Variants in SP1 observed in about 807,000 individuals in gnomAD.
The protein encoded by SP1 is transcription factor Sp1.
A neutral mutation model predicts 66.3 loss-of-function variants in SP1; 6 were observed. The observed-to-expected ratio is 0.09, with a 90% CI of 0.05 to 0.18. SP1 has a LOEUF of 0.18. Among genes scored for constraint, SP1 ranks in the 10% least tolerant of loss-of-function variants. The pLI, the probability that SP1 is intolerant of heterozygous loss-of-function variation, is 1.00. For missense variants in SP1, 848 were observed against 964.5 expected (o/e 0.88, Z 1.60); for synonymous variants, 417 against 360.8 (o/e 1.16, Z -1.77).
At chr12:53,405,073 T>C (rs1473710981) in intron 3 of SP1, among the ~76,000 whole-genome samples, 1 of 152,038 alleles carries the variant, frequency 6.6e-6, no homozygotes, top group Non-Finnish European at 1.5e-5. Context: ...GGTATTGAAC[T>C]CCTGACCTCA....
In SP1 at chr12:53,416,204, GCT is replaced by G. The variant is rs1169391147; in HGVS notation, c.*4970_*4971del. 2 of 153,128 alleles carry G rather than the reference GCT, an allele frequency of 1.3e-5. No homozygotes were observed. Among genetic ancestry groups the G allele is most frequent in the Non-Finnish European group, 2.9e-5 (2 of 68,554 alleles). 9.5% of individuals were successfully genotyped at this position (153,128 alleles called of 1,614,324 possible). A position where few individuals can be genotyped will look rare whatever the true frequency, so the allele number is the denominator to read the frequency against. On this transcript the variant is annotated 3_prime_UTR_variant, in exon 6 of 6. Coordinates refer to ENST00000327443, the MANE Select transcript of SP1 (RefSeq NM_138473.3). ...GCTGTGTGGGTAAATGCTTTTAAATGCTCTCTCATCTTGTTCTTCCCCCTCAC... is the reference window on the plus strand; with the variant it reads ...GCTGTGTGGGTAAATGCTTTTAAATGCTCTCATCTTGTTCTTCCCCCTCAC...
chr12:53,408,092 C>T (rs1938788336), intron 4 of SP1, among the ~76,000 whole-genome samples: 1 of 144,564 alleles, frequency 6.9e-6, no homozygotes, highest in Non-Finnish European at 1.5e-5. Flanking sequence ...ACTAAAAGTA[C>T]AAAAATTAAC....
chr12:53,402,300 TGCAACCTCC>T (rs1195553754), intron 3 of SP1, among the ~76,000 whole-genome samples: 1 of 151,238 alleles, frequency 6.6e-6, no homozygotes, highest in Non-Finnish European at 1.5e-5. Flanking sequence ...CTTGGCTCAC[TGCAACCTCC>T]GCCTCCCAAG....
At chr12:53,403,046 G>T (rs1938645554) in intron 3 of SP1, among the ~76,000 whole-genome samples, 1 of 151,976 alleles carries the variant, frequency 6.6e-6, no homozygotes, top group South Asian at 2.1e-4. Context: ...TACTCGGGAG[G>T]CTGAGGTAGA....
rs570246917 is a variant in SP1 at position 53,415,582 on chromosome 12, A to G, written c.*4342A>G. The G allele has an allele frequency of 1.5e-4, 23 of 152,290 alleles. No individual in the cohort carries two copies. The highest frequency in any genetic ancestry group is 5.6e-4 in the African/African-American group (23 of 41,378). 9.4% of individuals were successfully genotyped at this position (152,290 alleles called of 1,614,324 possible). On this transcript the variant is annotated 3_prime_UTR_variant, in exon 6 of 6. Transcript: ENST00000327443. Reference sequence around the variant, plus strand: ...CAGTCTTCCTTGTCTCTGCTAAGAAAGTAGAGGCATGATGATCTGCCTCTC... The same window carrying G: ...CAGTCTTCCTTGTCTCTGCTAAGAAGGTAGAGGCATGATGATCTGCCTCTC...
At chr12:53,386,260 G>A (rs1938227661) in intron 3 of SP1, among the ~76,000 whole-genome samples, 1 of 152,100 alleles carries the variant, frequency 6.6e-6, no homozygotes, top group Non-Finnish European at 1.5e-5. Flanking sequence ...TAGGAAGGGA[G>A]AAGGAAAGGG....
chr12:53,381,166 G>A (rs1447826315), intron 1 of SP1: 1 of 152,304 alleles, frequency 6.6e-6, no homozygotes, highest in Non-Finnish European at 1.5e-5. Flanking sequence ...TGGTCAGGCT[G>A]GTCTCAAAAC....
At chr12:53,392,201 A>G (rs970465227) in intron 3 of SP1, among the ~76,000 whole-genome samples, 17 of 152,132 alleles carry the variant, frequency 1.1e-4, no homozygotes, top group African/African-American at 4.1e-4. Flanking sequence ...TTTTTTTGAG[A>G]CGGAGTCACG....
intron 3 of SP1, among the ~76,000 whole-genome samples, chr12:53,389,134 A>G (rs1463998052): frequency 6.6e-6 from 1 of 151,648 alleles, no homozygotes; most frequent in South Asian, 2.1e-4. Context: ...GTACAAAATG[A>G]GATATATTAC....
chr12:53,405,611 A>G (rs1938714639), intron 3 of SP1, among the ~76,000 whole-genome samples: 1 of 151,764 alleles, frequency 6.6e-6, no homozygotes, highest in Non-Finnish European at 1.5e-5. Flanking sequence ...TGGAGGTTGC[A>G]GTGAGCCCAG....
intron 1 of SP1, chr12:53,380,690 C>A (rs1367275646): frequency 5.1e-6 from 5 of 985,948 alleles, no homozygotes; most frequent in South Asian, 4.7e-5. Flanking sequence ...CTCTGGTCGC[C>A]GCCTGCTCCA....
rs1938952084 is a variant in SP1 at position 53,414,230 on chromosome 12, A to AG, written c.*2993dup. The AG allele has an allele frequency of 6.6e-6, 1 of 152,526 alleles. No individual in the cohort carries two copies. Among genetic ancestry groups the AG allele is most frequent in the Non-Finnish European group, 1.5e-5 (1 of 68,048 alleles). 9.4% of individuals were successfully genotyped at this position (152,526 alleles called of 1,614,324 possible). On this transcript the variant is annotated 3_prime_UTR_variant, in exon 6 of 6. Transcript: ENST00000327443. ...AATTTTTTAGATGACCAAAACTTGC[A>AG]GGGCAGGGGATGCCCAGAAGAGTGG...
At chr12:53,392,733 G>A (rs1433101260) in intron 3 of SP1, among the ~76,000 whole-genome samples, 12 of 151,902 alleles carry the variant, frequency 7.9e-5, no homozygotes, top group African/African-American at 2.9e-4. Flanking sequence ...GACCTCAGGT[G>A]ATCCACCCAC....
At chr12:53,385,164 G>A (rs1220323818) in intron 3 of SP1, among the ~76,000 whole-genome samples, 2 of 151,292 alleles carry the variant, frequency 1.3e-5, no homozygotes, top group Non-Finnish European at 2.9e-5. Context: ...GCATGGTGAT[G>A]CGCGCCTGTA....
At chr12:53,405,654 T>A (rs931234144) in intron 3 of SP1, among the ~76,000 whole-genome samples, 3 of 147,960 alleles carry the variant, frequency 2.0e-5, no homozygotes, top group African/African-American at 7.7e-5. Flanking sequence ...CCAGCGAGAC[T>A]CTGTCTCAAA....
chr12:53,409,262 T>G, intron 4 of SP1, 100 bp from the exon 5 acceptor site: 3 of 918,312 alleles, frequency 3.3e-6, no homozygotes, highest in Non-Finnish European at 4.9e-6. Context: ...AAATAAAAGT[T>G]TGGGTTAGTT....
At chr12:53,381,557 TC>T in intron 1 of SP1, 101 bp from the exon 2 acceptor site, 1 of 1,104,810 alleles carries the variant, frequency 9.1e-7, no homozygotes, top group Non-Finnish European at 1.3e-6. Flanking sequence ...GCTTTCGCCT[TC>T]CTGTTAGTCA....
At chr12:53,380,553 C>T (rs917206863) in intron 1 of SP1, 6 of 707,548 alleles carry the variant, frequency 8.5e-6, no homozygotes, top group East Asian at 1.2e-4. Flanking sequence ...GCCCCGGCCA[C>T]GGGGGACGGG....
Position 53,411,122 on chromosome 12 carries a change from A to G in SP1, c.2240A>G (p.Asn747Ser), listed in dbSNP as rs776716536. 4 of 1,614,132 alleles carry G rather than the reference A, an allele frequency of 2.5e-6. No individual in the cohort carries two copies. The highest frequency in any genetic ancestry group is 3.3e-5 in the Admixed American group (2 of 60,024). Residue 747 changes from asparagine (N) to serine (S), a missense_variant, in exon 6 of 6, where the codon AAT (asparagine) becomes AGT (serine). Around this residue, in one of 7 missense-constraint regions of SP1, gnomAD observed 73 missense variants for 91.9 expected, o/e 0.79. Transcript: ENST00000327443. The stretch of plus-strand genomic sequence containing the variant: ...ACTCCTTCAGCCCTTATTACCACCA[A>G]TATGGTAGCCATGGAGGCCATCTGT... ...TATPSALITT[N>S]MVAMEAICPE... is the part of the protein sequence containing the mutation.
Sources: gnomAD v4.1 joint callset for allele counts (sites outside exome capture counted in the v4.1 genomes callset) on GRCh38, gnomAD v4.1.1 for gene constraint, gnomAD v4.1.1 regional missense constraint, MANE v1.5 for transcripts, NCBI Gene and HGNC (gene_info 2026-07-23, HGNC 2026-07-21) for gene names.